Variants in CCDC93 observed in about 807,000 individuals in gnomAD.
The protein encoded by CCDC93 is CCC complex scaffolding subunit CCDC93.
A neutral mutation model predicts 108.2 loss-of-function variants in CCDC93; 61 were observed. That is an observed-to-expected ratio of 0.56 (90% CI 0.46 to 0.70). The LOEUF is 0.70. Ranked by LOEUF, CCDC93 falls within the 30% of genes least tolerant of loss-of-function variation. The probability of loss-of-function intolerance (pLI) is 0.00; values close to 1 mark genes in which losing one functional copy is unlikely to be tolerated. For missense variants in CCDC93, 685 were observed against 764.2 expected (o/e 0.90, Z 1.22); for synonymous variants, 276 against 260.4 (o/e 1.06, Z -0.58).
At position 117,974,880 on chromosome 2, in the gene CCDC93, C is replaced by A; in HGVS notation, c.771G>T (p.Met257Ile). The change falls in exon 10 of 24, where the codon ATG becomes ATT. Residue 257 changes from methionine to isoleucine, a missense_variant. Coordinates refer to ENST00000376300, the MANE Select transcript of CCDC93 (RefSeq NM_019044.5). Reference protein sequence around the residue: ...AAEEQRIQSLMTKMTAMANEE... With the variant: ...AAEEQRIQSLITKMTAMANEE... ...CATTTGCCATAGCGGTCATCTTGGTCATCAGCGACTGAATACGCTGCTGAA... is the reference window on the plus strand; with the variant it reads ...CATTTGCCATAGCGGTCATCTTGGTAATCAGCGACTGAATACGCTGCTGAA... 6.4e-7 allele frequency: 1 copy of A among 1,569,156 alleles called. No individual in the cohort carries two copies. The highest frequency in any genetic ancestry group is 1.2e-5 in the South Asian group (1 of 85,204).
intron 1 of CCDC93, among the ~76,000 whole-genome samples, chr2:118,009,572 T>G (rs1676969360): frequency 6.6e-6 from 1 of 152,184 alleles, no homozygotes; most frequent in Admixed American, 6.5e-5. Flanking sequence ...CTTGGGAGGC[T>G]GAGGCACGAG....
At chr2:118,004,449 G>A (rs1676807188) in intron 3 of CCDC93, among the ~76,000 whole-genome samples, 1 of 152,222 alleles carries the variant, frequency 6.6e-6, no homozygotes, top group African/African-American at 2.4e-5. Context: ...GACAGCTTGA[G>A]AGACAACCAT....
rs1677669746 is a variant in CCDC93 at position 117,915,928 on chromosome 2, C to A, written c.*4415G>T. The stretch of plus-strand genomic sequence containing the variant: ...TGTTTTAAATTTCTACAAACTATTC[C>A]ATTGTTTAAGCTGGCCATAATGTAT... On this transcript the variant is annotated 3_prime_UTR_variant, in exon 24 of 24. Coordinates refer to ENST00000376300, the MANE Select transcript of CCDC93 (RefSeq NM_019044.5). The A allele has an allele frequency of 6.6e-6, 1 of 152,148 alleles. No homozygotes were observed. Among genetic ancestry groups the A allele is most frequent in the Non-Finnish European group, 1.5e-5 (1 of 68,022 alleles). The allele number at this position is 152,148 out of a possible 1,614,324, so 9.4% of individuals were successfully genotyped here.
At chr2:117,971,126 G>A (rs2104776316) in intron 11 of CCDC93, among the ~76,000 whole-genome samples, 1 of 152,338 alleles carries the variant, frequency 6.6e-6, no homozygotes, top group Middle Eastern at 3.4e-3. Flanking sequence ...ACTTTGGGAG[G>A]CTGAGGTGGG....
intron 3 of CCDC93, among the ~76,000 whole-genome samples, chr2:118,001,947 C>T (rs923054889): frequency 6.6e-6 from 1 of 152,128 alleles, no homozygotes; most frequent in African/African-American, 2.4e-5. Flanking sequence ...ACCCCAAAGC[C>T]ATGGTATGTA....
chr2:117,957,130 T>G (rs958358341), intron 12 of CCDC93, among the ~76,000 whole-genome samples: 2 of 152,168 alleles, frequency 1.3e-5, no homozygotes, highest in African/African-American at 4.8e-5. Flanking sequence ...CCTCAAGTGA[T>G]CTGCCCCTCC....
At position 117,920,243 on chromosome 2, in the gene CCDC93, C is replaced by T. The variant is rs939579730; in HGVS notation, c.*100G>A. The T allele has an allele frequency of 9.7e-6, 7 of 718,850 alleles. No individual in the cohort carries two copies. The highest frequency in any genetic ancestry group is 1.4e-5 in the Non-Finnish European group (6 of 420,670). 44.5% of individuals were successfully genotyped at this position (718,850 alleles called of 1,614,324 possible). On this transcript the variant is annotated 3_prime_UTR_variant, in exon 24 of 24. Coordinates refer to ENST00000376300, the MANE Select transcript of CCDC93 (RefSeq NM_019044.5). Reference sequence around the variant, plus strand: ...CAGGTTGTTGAAATCATCACAACTGCATCTCTCTACTGTCGCTTTCAGAAC... The same window carrying T: ...CAGGTTGTTGAAATCATCACAACTGTATCTCTCTACTGTCGCTTTCAGAAC...
chr2:118,001,368 T>C (rs1020841462), intron 3 of CCDC93, among the ~76,000 whole-genome samples: 14 of 152,144 alleles, frequency 9.2e-5, no homozygotes, highest in Non-Finnish European at 2.9e-5. Context: ...TTACCAGACC[T>C]TACACCAGGT....
In CCDC93 at chr2:117,919,293, C is replaced by T. The variant is rs1388744603; in HGVS notation, c.*1050G>A. ...TTCCCAACATGCATGCCTTGTACTCCTCTGCACTCTCTTGGGTTTTTAATC... is the reference window on the plus strand; with the variant it reads ...TTCCCAACATGCATGCCTTGTACTCTTCTGCACTCTCTTGGGTTTTTAATC... On this transcript the variant is annotated 3_prime_UTR_variant, in exon 24 of 24. Transcript: ENST00000376300. 1 of 152,170 alleles carries T rather than the reference C, an allele frequency of 6.6e-6. No homozygotes were observed. Among genetic ancestry groups the T allele is most frequent in the Non-Finnish European group, 1.5e-5 (1 of 68,054 alleles). 9.4% of individuals were successfully genotyped at this position (152,170 alleles called of 1,614,324 possible). A position where few individuals can be genotyped will look rare whatever the true frequency, so the allele number is the denominator to read the frequency against.
At chr2:117,955,924 G>GCT (rs1399231901) in intron 12 of CCDC93, among the ~76,000 whole-genome samples, 1 of 152,162 alleles carries the variant, frequency 6.6e-6, no homozygotes, top group East Asian at 1.9e-4. Context: ...ATAGTAGCTT[G>GCT]CTCTATTTAT....
intron 23 of CCDC93, among the ~76,000 whole-genome samples, chr2:117,928,190 C>G (rs1678189722): frequency 6.6e-6 from 1 of 152,192 alleles, no homozygotes; most frequent in African/African-American, 2.4e-5. Context: ...CCATTCAGGA[C>G]ATAGGCATGG....
Position 117,974,896 on chromosome 2 carries a change from C to A in CCDC93, c.755G>T (p.Arg252Leu). The change falls in exon 10 of 24, where the codon CGT (arginine) becomes CTT (leucine). Residue 252 changes from arginine to leucine, a missense_variant. Coordinates refer to ENST00000376300, the MANE Select transcript of CCDC93 (RefSeq NM_019044.5). ...CATCTTGGTCATCAGCGACTGAATA[C>A]GCTGCTGAAAGAGGAATGGAAGGGA... ...EDELRAAEEQRIQSLMTKMTA... is the reference protein window; with the variant it reads ...EDELRAAEEQLIQSLMTKMTA... 2 of 1,563,246 alleles carry A rather than the reference C, an allele frequency of 1.3e-6. No individual in the cohort carries two copies. The highest frequency in any genetic ancestry group is 1.7e-6 in the Non-Finnish European group (2 of 1,152,938).
At chr2:117,963,708 C>A (rs1049205425) in intron 11 of CCDC93, among the ~76,000 whole-genome samples, 3 of 152,190 alleles carry the variant, frequency 2.0e-5, no homozygotes, top group African/African-American at 7.2e-5. Context: ...AAATCCAAAA[C>A]CTCCTCTTTA....
intron 23 of CCDC93, among the ~76,000 whole-genome samples, chr2:117,929,198 C>T (rs919111328): frequency 2.6e-5 from 4 of 152,176 alleles, no homozygotes; most frequent in Non-Finnish European, 4.4e-5. Context: ...CAACATGGCA[C>T]ATGTACATAT....
At chr2:117,952,860 C>T (rs1277954374) in intron 12 of CCDC93, among the ~76,000 whole-genome samples, 1 of 152,144 alleles carries the variant, frequency 6.6e-6, no homozygotes, top group Admixed American at 6.5e-5. Context: ...AGAATACAAA[C>T]AGCATTTCAG....
intron 11 of CCDC93, among the ~76,000 whole-genome samples, chr2:117,963,578 T>C (rs1287628574): frequency 6.6e-6 from 1 of 152,218 alleles, no homozygotes; most frequent in East Asian, 1.9e-4. Flanking sequence ...TGAAATTCCA[T>C]GAATTTCAAA....
chr2:117,980,891 A>C (rs1680098287), intron 7 of CCDC93, among the ~76,000 whole-genome samples: 1 of 152,098 alleles, frequency 6.6e-6, no homozygotes, highest in Non-Finnish European at 1.5e-5. Context: ...CCACTGATCT[A>C]CCTTCTGTCT....
At chr2:117,937,270 T>G (rs899531546) in intron 20 of CCDC93, among the ~76,000 whole-genome samples, 2 of 152,192 alleles carry the variant, frequency 1.3e-5, no homozygotes, top group Non-Finnish European at 2.9e-5. Context: ...GGACACTGCC[T>G]TAGCCCCGCA....
intron 6 of CCDC93, among the ~76,000 whole-genome samples, chr2:117,994,473 G>T (rs1680583263): frequency 6.6e-6 from 1 of 152,056 alleles, no homozygotes; most frequent in Non-Finnish European, 1.5e-5. Context: ...AAGATTTTTT[G>T]TTTCATAGGA....
Sources: allele counts gnomAD v4.1 joint callset (sites outside exome capture counted in the v4.1 genomes callset), GRCh38; gene constraint gnomAD v4.1.1; transcripts MANE v1.5; gene names NCBI Gene and HGNC (gene_info 2026-07-23, HGNC 2026-07-21).